Variants in INPP4B observed in about 807,000 individuals in gnomAD.
INPP4B encodes the protein inositol polyphosphate-4-phosphatase type II B.
A neutral mutation model predicts 122.5 loss-of-function variants in INPP4B; 55 were observed. The observed-to-expected ratio is 0.45, with a 90% CI of 0.36 to 0.56. The LOEUF is 0.56. Ranked by LOEUF, INPP4B falls within the 20% of genes least tolerant of loss-of-function variation. INPP4B has a pLI of 0.00. For missense variants in INPP4B, 1,000 were observed against 1,097.7 expected, an observed-to-expected ratio of 0.91 and a Z score of 1.26; for synonymous variants, 403 against 388.7, an observed-to-expected ratio of 1.04 and a Z score of -0.43.
Position 142,680,007 on chromosome 4 carries a change from C to T in INPP4B, c.-191+45832G>A, listed in dbSNP as rs553674359. 5.2e-4 allele frequency among the ~76,000 whole-genome samples: 79 copies of T among 151,884 alleles called. 2 individuals are homozygous for T. Among genetic ancestry groups the T allele is most frequent in the African/African-American group, 1.6e-3 (67 of 41,490 alleles). The stretch of plus-strand genomic sequence containing the variant: ...AGTGAAGACCTGGCTTCTCTTTCAT[C>T]TATTCCATTTTATTTTCAGCAATGG... On this transcript the variant is annotated intron_variant, in intron 2 of 25. Transcript: ENST00000262992.
intron 1 of INPP4B, among the ~76,000 whole-genome samples, chr4:142,786,288 A>T (rs1027102342): frequency 6.6e-6 from 1 of 152,152 alleles, no homozygotes; most frequent in Non-Finnish European, 1.5e-5. Context: ...CCTCATATTG[A>T]TGGGACTATA....
At chr4:142,756,074 TA>T (rs1770472873) in intron 1 of INPP4B, among the ~76,000 whole-genome samples, 1 of 152,044 alleles carries the variant, frequency 6.6e-6, no homozygotes, top group Non-Finnish European at 1.5e-5. Context: ...GTGGTTGCTT[TA>T]TTCTGGGGTA....
intron 9 of INPP4B, among the ~76,000 whole-genome samples, chr4:142,298,407 C>T (rs150980921): frequency 9.9e-5 from 15 of 152,138 alleles, no homozygotes; most frequent in African/African-American, 3.6e-4. Flanking sequence ...TTTGATCAGG[C>T]CATGCGCGGT....
intron 3 of INPP4B, among the ~76,000 whole-genome samples, chr4:142,443,345 G>C (rs746254891): frequency 6.6e-6 from 1 of 152,082 alleles, no homozygotes; most frequent in South Asian, 2.1e-4. Context: ...TGCTGAAGGG[G>C]AACAGCAGTA....
At position 142,545,773 on chromosome 4, in the gene INPP4B, A is replaced by ATGTGTG. The variant is rs1381896017; in HGVS notation, c.-190-83048_-190-83047insCACACA. 1.5e-3 allele frequency among the ~76,000 whole-genome samples: 175 copies of ATGTGTG among 117,042 alleles called. 2 individuals are homozygous for ATGTGTG. The highest frequency in any genetic ancestry group is 5.3e-3 in the African/African-American group (168 of 31,802). The allele number at this position is 117,042 out of a possible 152,430, so 76.8% of individuals were successfully genotyped here. A position where few individuals can be genotyped will look rare whatever the true frequency, so the allele number is the denominator to read the frequency against. The stretch of plus-strand genomic sequence containing the variant: ...TATATACACATGTATATGTGTGTAT[A>ATGTGTG]TATATACACATATATATGTGTGTAT... On this transcript the variant is annotated intron_variant, in intron 2 of 25. Coordinates refer to ENST00000262992, the MANE Select transcript of INPP4B (RefSeq NM_001101669.3).
At chr4:142,217,777 A>G (rs1224222018) in intron 12 of INPP4B, among the ~76,000 whole-genome samples, 1 of 152,108 alleles carries the variant, frequency 6.6e-6, no homozygotes, top group Admixed American at 6.6e-5. Context: ...TGCCCTCTCT[A>G]ATTTGGGTCG....
chr4:142,666,284 A>C (rs1275503727), intron 2 of INPP4B, among the ~76,000 whole-genome samples: 1 of 152,160 alleles, frequency 6.6e-6, no homozygotes, highest in Non-Finnish European at 1.5e-5. Flanking sequence ...AAGAGTAAAA[A>C]TGTATATATA....
intron 25 of INPP4B, among the ~76,000 whole-genome samples, chr4:142,031,937 C>A (rs1317792575): frequency 6.6e-6 from 1 of 151,838 alleles, no homozygotes; most frequent in Non-Finnish European, 1.5e-5. Context: ...GTTGGACGAG[C>A]AGGAATAGAA....
chr4:142,772,252 C>G (rs1032338661), intron 1 of INPP4B, among the ~76,000 whole-genome samples: 1 of 152,094 alleles, frequency 6.6e-6, no homozygotes, highest in African/African-American at 2.4e-5. Flanking sequence ...GAAGAAGGTA[C>G]TAATCCTGTG....
At chr4:142,636,973 A>G (rs1749292628) in intron 2 of INPP4B, among the ~76,000 whole-genome samples, 1 of 152,172 alleles carries the variant, frequency 6.6e-6, no homozygotes, top group Admixed American at 6.5e-5. Flanking sequence ...ACATGGCTAA[A>G]GTACATCACT....
intron 5 of INPP4B, among the ~76,000 whole-genome samples, chr4:142,407,812 C>A: frequency 1.3e-5 from 2 of 152,180 alleles, no homozygotes; most frequent in Middle Eastern, 6.8e-3. Context: ...CAAACTCTGA[C>A]ACTTAATTGC....
At chr4:142,445,763 A>G (rs1354854134) in intron 3 of INPP4B, among the ~76,000 whole-genome samples, 1 of 152,206 alleles carries the variant, frequency 6.6e-6, no homozygotes, top group Non-Finnish European at 1.5e-5. Flanking sequence ...TGGAATATTC[A>G]CTAAGACAGC....
At chr4:142,112,728 TTG>T (rs1274777495) in intron 21 of INPP4B, 46 bp from the exon 22 acceptor site, 1 of 1,560,470 alleles carries the variant, frequency 6.4e-7, no homozygotes, top group South Asian at 1.2e-5. Flanking sequence ...CTTATTTGTT[TTG>T]TGTTATTTTA....
At chr4:142,673,249 C>A (rs546362311) in intron 2 of INPP4B, among the ~76,000 whole-genome samples, 1 of 151,918 alleles carries the variant, frequency 6.6e-6, no homozygotes, top group African/African-American at 2.4e-5. Flanking sequence ...ATCAATTTAC[C>A]AATTTCTATT....
At chr4:142,381,961 C>A (rs1794255309) in intron 7 of INPP4B, among the ~76,000 whole-genome samples, 1 of 151,868 alleles carries the variant, frequency 6.6e-6, no homozygotes, top group Admixed American at 6.6e-5. Flanking sequence ...TGTTTCAATG[C>A]CTGATCAGGT....
At chr4:142,537,824 C>T (rs1001369587) in intron 2 of INPP4B, among the ~76,000 whole-genome samples, 13 of 150,900 alleles carry the variant, frequency 8.6e-5, no homozygotes, top group Non-Finnish European at 1.5e-5. Context: ...ACCACAGGAA[C>T]CCCAGAAATA....
intron 2 of INPP4B, among the ~76,000 whole-genome samples, chr4:142,597,102 G>A (rs562271351): frequency 1.3e-5 from 2 of 152,280 alleles, no homozygotes; most frequent in African/African-American, 4.8e-5. Flanking sequence ...AGTGACATTG[G>A]AGAAAATAAA....
chr4:142,537,740 A>AGT (rs72363974), intron 2 of INPP4B, among the ~76,000 whole-genome samples: 2,192 of 146,850 alleles, frequency 0.015, 40 homozygotes, highest in African/African-American at 0.041. Flanking sequence ...TGTGTATATG[A>AGT]GTGTGTGTGT....
intron 7 of INPP4B, among the ~76,000 whole-genome samples, chr4:142,332,522 T>C (rs954232846): frequency 6.6e-6 from 1 of 150,814 alleles, no homozygotes; most frequent in African/African-American, 2.4e-5. Context: ...CATATATAGT[T>C]AAAAAAAAAG....
Sources: gnomAD v4.1 joint callset for allele counts (sites outside exome capture counted in the v4.1 genomes callset) on GRCh38, gnomAD v4.1.1 for gene constraint, MANE v1.5 for transcripts, NCBI Gene and HGNC (gene_info 2026-07-23, HGNC 2026-07-21) for gene names.